GULP1: variants seen among roughly 807,000 people sequenced by gnomAD.
The protein encoded by GULP1 is PTB domain-containing engulfment adapter protein 1.
Under a neutral mutation model 40.9 loss-of-function variants are expected in GULP1, and 19 were observed. The ratio of observed to expected loss-of-function variants is 0.46; its 90% CI spans 0.32 to 0.68. The LOEUF (loss-of-function observed/expected upper bound fraction) is 0.68, where lower values mean the gene tolerates loss of function less well. Ranked by LOEUF, GULP1 falls within the 30% of genes least tolerant of loss-of-function variation. The pLI, the probability that GULP1 is intolerant of heterozygous loss-of-function variation, is 0.03. For synonymous variants in GULP1, 119 were observed against 117.6 expected (o/e 1.01, Z -0.08); for missense variants, 312 against 362.2 (o/e 0.86, Z 1.12).
At chr2:188,468,115 T>C (rs527674892) in intron 2 of GULP1, among the ~76,000 whole-genome samples, 1 of 152,284 alleles carries the variant, frequency 6.6e-6, no homozygotes, top group South Asian at 2.1e-4. Context: ...TTTTTATTGC[T>C]TTAAGGATAT....
chr2:188,594,174 T>C lies in GULP1; in HGVS notation c.*163T>C. The C allele has an allele frequency of 4.3e-6, 2 of 466,908 alleles. No individual in the cohort carries two copies. Among genetic ancestry groups the C allele is most frequent in the Non-Finnish European group, 7.8e-6 (2 of 255,926 alleles). 28.9% of individuals were successfully genotyped at this position (466,908 alleles called of 1,614,324 possible). A position where few individuals can be genotyped will look rare whatever the true frequency, so the allele number is the denominator to read the frequency against. On this transcript the variant is annotated 3_prime_UTR_variant, in exon 12 of 12. Transcript: ENST00000409830. ...AATTTCCTCACCTTCACTATTGATC[T>C]GTAATTTTTATTTTAAAAACAGCTT...
At chr2:188,468,867 A>C (rs757299581) in intron 2 of GULP1, among the ~76,000 whole-genome samples, 1 of 152,212 alleles carries the variant, frequency 6.6e-6, no homozygotes, top group African/African-American at 2.4e-5. Flanking sequence ...TATGCCAACT[A>C]TAAGATCAGC....
chr2:188,557,732 C>A (rs188343216), intron 7 of GULP1, among the ~76,000 whole-genome samples: 7 of 152,346 alleles, frequency 4.6e-5, no homozygotes, highest in African/African-American at 1.7e-4. Flanking sequence ...AATGGGGAGT[C>A]TGTGTGGGGT....
At chr2:188,423,543 C>G (rs2055747313) in intron 2 of GULP1, among the ~76,000 whole-genome samples, 1 of 151,620 alleles carries the variant, frequency 6.6e-6, no homozygotes, top group Non-Finnish European at 1.5e-5. Flanking sequence ...GTATTATATT[C>G]TTTTAAAACG....
chr2:188,443,205 CG>C (rs1003104258), intron 2 of GULP1, among the ~76,000 whole-genome samples: 2 of 144,840 alleles, frequency 1.4e-5, no homozygotes, highest in East Asian at 2.2e-4. Flanking sequence ...TGGGGGTTGG[CG>C]GGGGGTTCAC....
At chr2:188,532,311 G>A (rs1687754704) in intron 6 of GULP1, among the ~76,000 whole-genome samples, 1 of 152,154 alleles carries the variant, frequency 6.6e-6, no homozygotes, top group Non-Finnish European at 1.5e-5. Flanking sequence ...AATGCAGTAT[G>A]TAGAGAAAAC....
intron 3 of GULP1, 71 bp from the exon 4 acceptor site, chr2:188,483,360 A>G (rs1034136071): frequency 1.4e-6 from 1 of 706,116 alleles, no homozygotes; most frequent in Admixed American, 2.0e-5. Flanking sequence ...CTAAATTACC[A>G]TACAAATGGT....
intron 2 of GULP1, among the ~76,000 whole-genome samples, chr2:188,453,427 T>C (rs2058998317): frequency 6.6e-6 from 1 of 152,180 alleles, no homozygotes; most frequent in Admixed American, 6.5e-5. Flanking sequence ...ATTGTCTTCA[T>C]AGTAACTCAT....
chr2:188,393,758 G>T (rs1198189972), intron 2 of GULP1, among the ~76,000 whole-genome samples: 1 of 151,988 alleles, frequency 6.6e-6, no homozygotes, highest in Non-Finnish European at 1.5e-5. Context: ...TTCTTGTAGG[G>T]CAGCTCTGGT....
chr2:188,483,612 T>C (rs2061607005), intron 4 of GULP1, 120 bp downstream of exon 4: 1 of 427,490 alleles, frequency 2.3e-6, no homozygotes, highest in African/African-American at 2.1e-5. Flanking sequence ...GAAAAAAGTT[T>C]ACATAAATAA....
intron 2 of GULP1, among the ~76,000 whole-genome samples, chr2:188,462,664 A>G (rs749110456): frequency 6.6e-6 from 1 of 152,094 alleles, no homozygotes; most frequent in East Asian, 1.9e-4. Context: ...TCATTATTAT[A>G]TAGTGAACTT....
At chr2:188,528,960 T>C (rs924571292) in intron 5 of GULP1, 137 bp from the exon 6 acceptor site, 4 of 537,016 alleles carry the variant, frequency 7.4e-6, no homozygotes, top group Admixed American at 4.0e-5. Flanking sequence ...AGACTATCTT[T>C]ATAAAATGCT....
chr2:188,552,481 T>C (rs1693724669), intron 7 of GULP1, among the ~76,000 whole-genome samples: 1 of 151,946 alleles, frequency 6.6e-6, no homozygotes. Flanking sequence ...AGTGGTTTTA[T>C]TTCTGAGTTC....
At chr2:188,358,477 A>G (rs1257683531) in intron 1 of GULP1, among the ~76,000 whole-genome samples, 1 of 152,140 alleles carries the variant, frequency 6.6e-6, no homozygotes, top group Admixed American at 6.6e-5. Context: ...TCAAATAGGT[A>G]GAAGAGAGGA....
intron 7 of GULP1, among the ~76,000 whole-genome samples, chr2:188,565,872 C>A (rs751492510): frequency 1.3e-5 from 2 of 151,970 alleles, no homozygotes; most frequent in African/African-American, 2.4e-5. Flanking sequence ...TTGATAAGTA[C>A]AACACGTATG....
chr2:188,562,109 A>G (rs561949946), intron 7 of GULP1, among the ~76,000 whole-genome samples: 1 of 152,162 alleles, frequency 6.6e-6, no homozygotes. Flanking sequence ...GACAGTGTGC[A>G]ATCTGCTCAA....
intron 4 of GULP1, among the ~76,000 whole-genome samples, chr2:188,516,808 G>C (rs951159097): frequency 2.6e-5 from 4 of 152,068 alleles, no homozygotes; most frequent in Non-Finnish European, 5.9e-5. Context: ...TTCTTCAATT[G>C]TTCTAGTTCG....
chr2:188,473,662 C>A (rs923931924), intron 2 of GULP1, among the ~76,000 whole-genome samples: 5 of 152,142 alleles, frequency 3.3e-5, no homozygotes, highest in African/African-American at 2.4e-5. Context: ...TGAGACTCAC[C>A]CTTCTGGGCA....
chr2:188,504,731 C>A (rs997055231), intron 4 of GULP1, among the ~76,000 whole-genome samples: 1 of 151,824 alleles, frequency 6.6e-6, no homozygotes, highest in Admixed American at 6.6e-5. Context: ...AATCCAATTG[C>A]AAATCAAAGT....
Sources: gnomAD v4.1 joint callset for allele counts (sites outside exome capture counted in the v4.1 genomes callset) on GRCh38, gnomAD v4.1.1 for gene constraint, MANE v1.5 for transcripts, NCBI Gene and HGNC (gene_info 2026-07-23, HGNC 2026-07-21) for gene names.